Variants in ENPEP observed in about 807,000 individuals in gnomAD.
ENPEP encodes AP-A.
A neutral mutation model predicts 114.5 loss-of-function variants in ENPEP; 103 were observed. The observed-to-expected ratio is 0.90, with a 90% confidence interval of 0.77 to 1.06. The LOEUF (loss-of-function observed/expected upper bound fraction) is 1.06, where lower values mean the gene tolerates loss of function less well. Ranked by LOEUF, ENPEP falls within the 50% of genes least tolerant of loss-of-function variation. The probability of loss-of-function intolerance (pLI) is 0.00; values close to 1 mark genes in which losing one functional copy is unlikely to be tolerated. For synonymous variants in ENPEP, 420 were observed against 422.0 expected (o/e 1.00, Z 0.06); for missense variants, 1,196 against 1,161.3 (o/e 1.03, Z -0.43).
At chr4:110,488,902 G>A (rs1400005885) in intron 2 of ENPEP, among the ~76,000 whole-genome samples, 2 of 152,176 alleles carry the variant, frequency 1.3e-5, no homozygotes, top group African/African-American at 4.8e-5. Context: ...TGGTGTTTCT[G>A]TGCAAGAGAC....
At chr4:110,490,063 A>G (rs1443519136) in intron 2 of ENPEP, among the ~76,000 whole-genome samples, 3 of 152,200 alleles carry the variant, frequency 2.0e-5, no homozygotes, top group African/African-American at 7.2e-5. Flanking sequence ...ACCAATCTAG[A>G]TGAAGGTGGG....
intron 11 of ENPEP, among the ~76,000 whole-genome samples, chr4:110,535,909 G>C (rs1034550830): frequency 3.3e-5 from 5 of 152,024 alleles, no homozygotes. Flanking sequence ...CTGGCTGAAG[G>C]CTCAGATGAT....
rs755742110 is a variant in ENPEP, at chr4:110,476,460, A to G, written c.46A>G (p.Thr16Ala). The stretch of plus-strand genomic sequence containing the variant: ...GGGCTCTAAGAGATACTGCATTCAA[A>G]CGAAACATGTGGCCATTCTCTGTGC... The part of the protein sequence containing the change: ...REGSKRYCIQ[T>A]KHVAILCAVV... The change falls in exon 1 of 20, where the codon ACG becomes GCG. Residue 16 changes from threonine (T) to alanine (A), a missense_variant. Physicochemically the swap from Thr to Ala is moderately conservative, Grantham distance 58. Coordinates refer to ENST00000265162, the MANE Select transcript of ENPEP (RefSeq NM_001977.4). The G allele has an allele frequency of 1.9e-6, 3 of 1,548,984 alleles. No individual in the cohort carries two copies. Among genetic ancestry groups the G allele is most frequent in the Non-Finnish European group, 2.6e-6 (3 of 1,145,412 alleles).
intron 6 of ENPEP, among the ~76,000 whole-genome samples, chr4:110,510,805 A>G (rs778492115): frequency 1.2e-4 from 19 of 152,346 alleles, no homozygotes; most frequent in East Asian, 5.8e-4. Context: ...TGAAGTTCAA[A>G]TCCTGAACAC....
At chr4:110,549,665 C>T (rs777101425) in intron 16 of ENPEP, 33 bp downstream of exon 16, 20 of 1,612,780 alleles carry the variant, frequency 1.2e-5, no homozygotes, top group Admixed American at 1.7e-5. Flanking sequence ...TTAGAAGACA[C>T]ATTTGAGAAA....
At chr4:110,515,328 C>A in intron 7 of ENPEP, 49 bp from the exon 8 acceptor site, 1 of 1,452,120 alleles carries the variant, frequency 6.9e-7, no homozygotes, top group South Asian at 1.2e-5. Context: ...GATCATTGTT[C>A]CTTACATAGC....
intron 1 of ENPEP, among the ~76,000 whole-genome samples, chr4:110,485,955 C>T (rs1724485361): frequency 6.6e-6 from 1 of 152,008 alleles, no homozygotes; most frequent in Non-Finnish European, 1.5e-5. Context: ...AAGGTAGTGT[C>T]CACCAAGCGT....
intron 8 of ENPEP, 69 bp downstream of exon 8, chr4:110,515,511 T>C (rs1181323313): frequency 8.1e-7 from 1 of 1,234,958 alleles, no homozygotes; most frequent in African/African-American, 1.5e-5. Context: ...AATGTTAAGA[T>C]ATGTGATTAA....
chr4:110,526,802 T>A (rs976210637), intron 10 of ENPEP, among the ~76,000 whole-genome samples: 1 of 152,120 alleles, frequency 6.6e-6, no homozygotes, highest in Non-Finnish European at 1.5e-5. Flanking sequence ...TGATAGTTGA[T>A]GGAAACAATA....
intron 19 of ENPEP, among the ~76,000 whole-genome samples, chr4:110,560,547 G>A (rs373353916): frequency 1.3e-5 from 2 of 151,906 alleles, no homozygotes; most frequent in African/African-American, 2.4e-5. Flanking sequence ...AATTCAAAGA[G>A]CCTCTAAGAA....
intron 4 of ENPEP, among the ~76,000 whole-genome samples, chr4:110,508,179 T>C (rs950523239): frequency 1.3e-5 from 2 of 150,992 alleles, no homozygotes; most frequent in African/African-American, 2.4e-5. Context: ...ATTAATTATA[T>C]CTTAGACTCC....
Position 110,520,065 on chromosome 4 carries a change from C to G in ENPEP, c.1567C>G (p.Leu523Val). ...AAAAACTTCTGATTTTTGGGCAGCA[C>G]TGGAAGAGGTAAGGAAGAGTATATG... ...NAKTSDFWAALEEASRLPVKE... is the reference protein window; with the variant it reads ...NAKTSDFWAAVEEASRLPVKE... Residue 523 changes from leucine (L) to valine (V), a missense_variant, in exon 9 of 20, where the codon CTG (leucine) becomes GTG (valine). Physicochemically the swap from Leu to Val is conservative, Grantham distance 32. Coordinates refer to ENST00000265162, the MANE Select transcript of ENPEP (RefSeq NM_001977.4). 1 of 1,613,936 alleles carries G rather than the reference C, an allele frequency of 6.2e-7. No homozygotes were observed. Among genetic ancestry groups the G allele is most frequent in the Non-Finnish European group, 8.5e-7 (1 of 1,179,844 alleles).
intron 10 of ENPEP, among the ~76,000 whole-genome samples, chr4:110,521,610 G>A (rs979285213): frequency 2.6e-5 from 4 of 151,810 alleles, no homozygotes; most frequent in African/African-American, 9.7e-5. Flanking sequence ...CATAATTAAG[G>A]AAACAAAATA....
intron 6 of ENPEP, 189 bp from the exon 7 acceptor site, chr4:110,513,226 A>C (rs1389995879): frequency 2.1e-6 from 1 of 478,086 alleles, no homozygotes; most frequent in Non-Finnish European, 3.4e-6. Context: ...AGGAATTAGA[A>C]GTAGAAGAAG....
At chr4:110,484,770 T>TTTTA (rs1553916352) in intron 1 of ENPEP, among the ~76,000 whole-genome samples, 5 of 142,658 alleles carry the variant, frequency 3.5e-5, no homozygotes, top group South Asian at 4.3e-4. Flanking sequence ...ATATATTATA[T>TTTTA]TATATATATA....
intron 8 of ENPEP, among the ~76,000 whole-genome samples, chr4:110,517,480 T>C (rs961635535): frequency 6.6e-6 from 1 of 152,206 alleles, no homozygotes; most frequent in Non-Finnish European, 1.5e-5. Context: ...TAAATAACAA[T>C]TTTGGCATCT....
At chr4:110,516,830 G>A (rs7356191) in intron 8 of ENPEP, among the ~76,000 whole-genome samples, 6,009 of 152,202 alleles carry the variant, frequency 0.039, 373 homozygotes, top group African/African-American at 0.13. Flanking sequence ...GAGACATTAG[G>A]TGCAAAGAGA....
intron 11 of ENPEP, among the ~76,000 whole-genome samples, chr4:110,538,622 A>G (rs182341493): frequency 2.4e-3 from 358 of 152,326 alleles, no homozygotes; most frequent in African/African-American, 8.3e-3. Context: ...ATTTCCTTCA[A>G]GGACTTTTTC....
chr4:110,543,911 C>A (rs2110388312), intron 13 of ENPEP, among the ~76,000 whole-genome samples: 1 of 152,036 alleles, frequency 6.6e-6, no homozygotes, highest in Admixed American at 6.6e-5. Flanking sequence ...ATTAATTGTG[C>A]ATTTCACCCA....
Sources: gnomAD v4.1 joint callset for allele counts (sites outside exome capture counted in the v4.1 genomes callset) on GRCh38, gnomAD v4.1.1 for gene constraint, MANE v1.5 for transcripts, NCBI Gene and HGNC (gene_info 2026-07-23, HGNC 2026-07-21) for gene names.